The following PELI2 variants were observed in gnomAD, a reference collection of about 807,000 sequenced individuals.
PELI2 encodes the protein E3 ubiquitin-protein ligase pellino homolog 2.
A neutral mutation model predicts 42.3 loss-of-function variants in PELI2; 23 were observed. The ratio of observed to expected loss-of-function variants is 0.54; its 90% confidence interval spans 0.39 to 0.77. PELI2 has a LOEUF of 0.77. Ranked by LOEUF, PELI2 falls within the 30% of genes least tolerant of loss-of-function variation. PELI2 has a pLI of 0.00. For synonymous variants in PELI2, 245 were observed against 212.2 expected (o/e 1.15, Z -1.34); for missense variants, 463 against 553.2 (o/e 0.84, Z 1.64).
intron 2 of PELI2, among the ~76,000 whole-genome samples, chr14:56,223,713 C>G (rs1887236547): frequency 6.6e-6 from 1 of 152,106 alleles, no homozygotes; most frequent in Non-Finnish European, 1.5e-5. Context: ...CATTGAGGGC[C>G]AAATGCAGAT....
chr14:56,142,224 G>A lies in PELI2; in HGVS notation c.77+23487G>A, dbSNP rs543597721. The stretch of plus-strand genomic sequence containing the variant: ...ATATTACTCATTTAGAAATCTGTTG[G>A]ATAGAATCAAGACATGCCACTTCTT... On this transcript the variant is annotated intron_variant, in intron 1 of 5. Transcript: ENST00000267460. Among the ~76,000 whole-genome samples, 4 of 152,244 alleles carry A rather than the reference G, an allele frequency of 2.6e-5. No individual in the cohort carries two copies. In the East Asian group the frequency reaches 7.7e-4, roughly 29 times the overall value.
At chr14:56,207,270 A>C (rs1416770222) in intron 2 of PELI2, among the ~76,000 whole-genome samples, 1 of 152,228 alleles carries the variant, frequency 6.6e-6, no homozygotes, top group Non-Finnish European at 1.5e-5. Flanking sequence ...CATTGTCATC[A>C]TATCAAAATC....
intron 2 of PELI2, among the ~76,000 whole-genome samples, chr14:56,205,353 A>T (rs117354237): frequency 0.026 from 3,988 of 152,178 alleles, 72 homozygotes; most frequent in Non-Finnish European, 0.041. Flanking sequence ...ACTCATATAT[A>T]TTTTTTAATG....
intron 1 of PELI2, among the ~76,000 whole-genome samples, chr14:56,175,546 C>T (rs977868448): frequency 6.6e-6 from 1 of 152,214 alleles, no homozygotes; most frequent in African/African-American, 2.4e-5. Flanking sequence ...AAACTTGTCT[C>T]ATGGTGACAC....
At chr14:56,261,257 C>T (rs1449984218) in intron 2 of PELI2, among the ~76,000 whole-genome samples, 3 of 152,172 alleles carry the variant, frequency 2.0e-5, no homozygotes, top group African/African-American at 4.8e-5. Context: ...GACTCAGATT[C>T]AATGGCCACT....
chr14:56,185,218 A>G (rs1223217039), intron 2 of PELI2, among the ~76,000 whole-genome samples: 2 of 152,128 alleles, frequency 1.3e-5, no homozygotes, highest in Admixed American at 6.5e-5. Flanking sequence ...ATTTCCATTA[A>G]TTTTGACTAA....
chr14:56,246,162 A>G (rs546430354), intron 2 of PELI2, among the ~76,000 whole-genome samples: 2 of 152,306 alleles, frequency 1.3e-5, no homozygotes, highest in South Asian at 2.1e-4. Flanking sequence ...TGCGTTCTCC[A>G]TGTACTTTCT....
At chr14:56,240,663 T>C (rs1392465002) in intron 2 of PELI2, among the ~76,000 whole-genome samples, 1 of 152,004 alleles carries the variant, frequency 6.6e-6, no homozygotes, top group Admixed American at 6.5e-5. Context: ...AATGCCAACC[T>C]AAGAAGCCAG....
intron 1 of PELI2, chr14:56,119,905 C>T (rs1423852670): frequency 1.1e-6 from 1 of 948,580 alleles, no homozygotes; most frequent in African/African-American, 1.8e-5. Flanking sequence ...TGTGGGAAGA[C>T]TCAGGGAACT....
In PELI2 at chr14:56,296,691, A is replaced by G. The variant is rs780382182; in HGVS notation, c.788A>G (p.His263Arg). The G allele has an allele frequency of 5.0e-6, 8 of 1,614,016 alleles. No individual in the cohort carries two copies. The East Asian group carries it at 6.7e-5, about 13-fold the overall frequency. Residue 263 changes from histidine to arginine, a missense_variant, in exon 6 of 6, where the codon CAT becomes CGT. Transcript: ENST00000267460. ...TGGAGAACAGCAGATGGGCTTTTTC[A>G]TACTCCAACTCAGAAGCACATAGAA... ...LLWRTADGLF[H>R]TPTQKHIEAL... is the part of the protein sequence containing the mutation.
At chr14:56,157,434 A>T (rs1156572881) in intron 1 of PELI2, among the ~76,000 whole-genome samples, 3 of 152,188 alleles carry the variant, frequency 2.0e-5, no homozygotes, top group Non-Finnish European at 2.9e-5. Context: ...TATGAAGGGG[A>T]TGAATCCATG....
chr14:56,282,548 T>C (rs1889515165), intron 3 of PELI2, among the ~76,000 whole-genome samples: 1 of 152,008 alleles, frequency 6.6e-6, no homozygotes, highest in Non-Finnish European at 1.5e-5. Context: ...TTTACACTTT[T>C]CGATTTTTGG....
chr14:56,210,186 A>G (rs1886663148), intron 2 of PELI2, among the ~76,000 whole-genome samples: 1 of 150,264 alleles, frequency 6.7e-6, no homozygotes, highest in Non-Finnish European at 1.5e-5. Flanking sequence ...TGGAAAAATG[A>G]AAAAAAAAAT....
intron 2 of PELI2, among the ~76,000 whole-genome samples, chr14:56,203,679 A>G (rs1280423197): frequency 6.6e-6 from 1 of 152,206 alleles, no homozygotes; most frequent in African/African-American, 2.4e-5. Context: ...AGTACCTGCT[A>G]AGTCTGCCCT....
intron 4 of PELI2, among the ~76,000 whole-genome samples, chr14:56,289,067 A>G (rs1197117347): frequency 6.6e-6 from 1 of 152,222 alleles, no homozygotes; most frequent in Non-Finnish European, 1.5e-5. Context: ...ACAGAGAACA[A>G]CACAGACTTG....
intron 2 of PELI2, among the ~76,000 whole-genome samples, chr14:56,230,069 G>A (rs886816959): frequency 5.3e-5 from 8 of 152,152 alleles, no homozygotes; most frequent in African/African-American, 1.9e-4. Flanking sequence ...AAAAAGAAAC[G>A]AACAAAGCCT....
chr14:56,141,521 A>G (rs1883906139), intron 1 of PELI2, among the ~76,000 whole-genome samples: 1 of 152,222 alleles, frequency 6.6e-6, no homozygotes, highest in South Asian at 2.1e-4. Context: ...TCATGTGGCT[A>G]TGAAGAAATA....
At chr14:56,201,016 A>T (rs1423069122) in intron 2 of PELI2, among the ~76,000 whole-genome samples, 1 of 152,208 alleles carries the variant, frequency 6.6e-6, no homozygotes, top group Non-Finnish European at 1.5e-5. Flanking sequence ...CTAGGTATAA[A>T]ACACCAATTA....
At chr14:56,127,926 TTTG>T (rs1483236674) in intron 1 of PELI2, among the ~76,000 whole-genome samples, 1 of 152,190 alleles carries the variant, frequency 6.6e-6, no homozygotes, top group African/African-American at 2.4e-5. Flanking sequence ...CTTTTATAAT[TTTG>T]TTGTTTTTAA....
Sources: gnomAD v4.1 joint callset for allele counts (sites outside exome capture counted in the v4.1 genomes callset) on GRCh38, gnomAD v4.1.1 for gene constraint, MANE v1.5 for transcripts, NCBI Gene and HGNC (gene_info 2026-07-23, HGNC 2026-07-21) for gene names.